The following KCTD16 variants were observed in gnomAD, a reference collection of about 807,000 sequenced individuals.
KCTD16 encodes potassium channel tetramerization domain containing 16.
KCTD16 carries 13 observed loss-of-function variants against 33.2 expected under a neutral mutation model. That is an observed-to-expected ratio of 0.39 (90% CI 0.25 to 0.62). The LOEUF is 0.62. Among genes scored for constraint, KCTD16 ranks in the 20% least tolerant of loss-of-function variants. The probability of loss-of-function intolerance (pLI) is 0.50; values close to 1 mark genes in which losing one functional copy is unlikely to be tolerated. For synonymous variants in KCTD16, 197 were observed against 195.3 expected, an observed-to-expected ratio of 1.01 and a Z score of -0.07; for missense variants, 441 against 525.1, an observed-to-expected ratio of 0.84 and a Z score of 1.57.
chr5:144,213,370 C>CTTCTTTCTCT (rs1192911596), intron 3 of KCTD16, among the ~76,000 whole-genome samples: 1 of 150,874 alleles, frequency 6.6e-6, no homozygotes, highest in African/African-American at 2.4e-5. Flanking sequence ...CTTCCCTTCC[C>CTTCTTTCTCT]TTCTTTCTCT....
At chr5:144,372,450 C>T (rs1751989687) in intron 3 of KCTD16, among the ~76,000 whole-genome samples, 2 of 152,148 alleles carry the variant, frequency 1.3e-5, no homozygotes, top group African/African-American at 4.8e-5. Context: ...TTTAGAGGCT[C>T]ATCATTTGGA....
At chr5:144,428,108 C>A (rs1292889508) in intron 3 of KCTD16, among the ~76,000 whole-genome samples, 1 of 152,042 alleles carries the variant, frequency 6.6e-6, no homozygotes, top group Non-Finnish European at 1.5e-5. Flanking sequence ...TTTGTTACAC[C>A]CCATAGAAGG....
chr5:144,228,480 T>G (rs2126810424), intron 3 of KCTD16, among the ~76,000 whole-genome samples: 1 of 152,310 alleles, frequency 6.6e-6, no homozygotes, highest in East Asian at 1.9e-4. Flanking sequence ...CTCATTGGAA[T>G]GTATTTCAGA....
intron 3 of KCTD16, among the ~76,000 whole-genome samples, chr5:144,421,752 A>G (rs1753216779): frequency 6.6e-6 from 1 of 152,132 alleles, no homozygotes; most frequent in African/African-American, 2.4e-5. Flanking sequence ...TGTAGGAACA[A>G]TGATAAAGAT....
chr5:144,333,717 G>A (rs1415262373), intron 3 of KCTD16, among the ~76,000 whole-genome samples: 1 of 152,152 alleles, frequency 6.6e-6, no homozygotes, highest in African/African-American at 2.4e-5. Flanking sequence ...CATGGCAAAG[G>A]CAGAGGAGCA....
chr5:144,400,376 C>A, intron 3 of KCTD16, among the ~76,000 whole-genome samples: 1 of 152,170 alleles, frequency 6.6e-6, no homozygotes, highest in East Asian at 1.9e-4. Context: ...GCCAATCAGG[C>A]AGAGTTCCAA....
intron 3 of KCTD16, among the ~76,000 whole-genome samples, chr5:144,323,748 T>C (rs10069610): frequency 0.22 from 33,111 of 152,084 alleles, 4,014 homozygotes; most frequent in Non-Finnish European, 0.28. Flanking sequence ...CCACCACATA[T>C]AGAAAGATTT....
At chr5:144,257,663 A>G (rs537429999) in intron 3 of KCTD16, among the ~76,000 whole-genome samples, 6 of 151,792 alleles carry the variant, frequency 4.0e-5, no homozygotes, top group African/African-American at 1.5e-4. Context: ...TAATTTTTAT[A>G]TTTTTAGTAG....
At chr5:144,459,671 G>A (rs978368438) in intron 3 of KCTD16, among the ~76,000 whole-genome samples, 3 of 151,680 alleles carry the variant, frequency 2.0e-5, no homozygotes, top group Admixed American at 6.6e-5. Flanking sequence ...TCTCTAGATA[G>A]CAGCCAGAGG....
At chr5:144,198,110 C>A (rs2126784019) in intron 2 of KCTD16, among the ~76,000 whole-genome samples, 1 of 152,272 alleles carries the variant, frequency 6.6e-6, no homozygotes, top group East Asian at 1.9e-4. Flanking sequence ...GAAAAGATCC[C>A]TGCTAGCATG....
chr5:144,267,943 A>G (rs948163618), intron 3 of KCTD16, among the ~76,000 whole-genome samples: 3 of 152,192 alleles, frequency 2.0e-5, no homozygotes. Flanking sequence ...TGGGAATTCA[A>G]TGGAGTAGTA....
At chr5:144,262,621 A>G (rs4912967) in intron 3 of KCTD16, among the ~76,000 whole-genome samples, 5 of 152,056 alleles carry the variant, frequency 3.3e-5, no homozygotes, top group Admixed American at 2.0e-4. Context: ...AATCCTTTCC[A>G]CACCAGTTCT....
At chr5:144,368,956 C>G (rs1258702409) in intron 3 of KCTD16, among the ~76,000 whole-genome samples, 1 of 152,188 alleles carries the variant, frequency 6.6e-6, no homozygotes, top group Non-Finnish European at 1.5e-5. Context: ...GTAAGAGGCT[C>G]AAACCAATGT....
chr5:144,331,879 G>A (rs919035537), intron 3 of KCTD16, among the ~76,000 whole-genome samples: 2 of 152,132 alleles, frequency 1.3e-5, no homozygotes, highest in African/African-American at 4.8e-5. Context: ...TTCTACCCAG[G>A]AAGTAAGTAA....
At chr5:144,301,065 A>T (rs1030069989) in intron 3 of KCTD16, among the ~76,000 whole-genome samples, 3 of 151,900 alleles carry the variant, frequency 2.0e-5, no homozygotes, top group Admixed American at 1.3e-4. Context: ...ACACGGTGAA[A>T]CCCCGTCTCT....
chr5:144,435,823 CTGTG>C (rs138524677), intron 3 of KCTD16, among the ~76,000 whole-genome samples: 6 of 143,474 alleles, frequency 4.2e-5, no homozygotes, highest in Non-Finnish European at 7.5e-5. Context: ...GTGCGCTTTC[CTGTG>C]TGTGTGTGTG....
chr5:144,408,119 A>G, intron 3 of KCTD16, among the ~76,000 whole-genome samples: 1 of 152,234 alleles, frequency 6.6e-6, no homozygotes, highest in East Asian at 1.9e-4. Context: ...TAATGGCCAC[A>G]TTGTCTTCCA....
chr5:144,461,106 T>C (rs1023232818), intron 3 of KCTD16, among the ~76,000 whole-genome samples: 6 of 152,146 alleles, frequency 3.9e-5, no homozygotes, highest in Non-Finnish European at 7.4e-5. Flanking sequence ...TTACAAAAAA[T>C]GTAAGATATT....
chr5:144,402,527 C>G (rs1031555336), intron 3 of KCTD16, among the ~76,000 whole-genome samples: 1 of 152,118 alleles, frequency 6.6e-6, no homozygotes, highest in African/African-American at 2.4e-5. Context: ...GACTCCACTG[C>G]TTACTAGCTA....
Sources: gnomAD v4.1 joint callset for allele counts (sites outside exome capture counted in the v4.1 genomes callset) on GRCh38, gnomAD v4.1.1 for gene constraint, MANE v1.5 for transcripts, NCBI Gene and HGNC (gene_info 2026-07-23, HGNC 2026-07-21) for gene names.